Variants in KIAA1549 observed in about 807,000 individuals in gnomAD.
The protein encoded by KIAA1549 is UPF0606 protein KIAA1549.
Under a neutral mutation model 156.4 loss-of-function variants are expected in KIAA1549, and 70 were observed. The observed-to-expected ratio is 0.45, with a 90% CI of 0.37 to 0.55. The LOEUF is 0.55. Among genes scored for constraint, KIAA1549 ranks in the 20% least tolerant of loss-of-function variants. The pLI is 0.00. For missense variants in KIAA1549, 2,428 were observed against 2,540.9 expected (o/e 0.96, Z 0.96); for synonymous variants, 1,103 against 1,066.4 (o/e 1.03, Z -0.67).
At position 138,960,379 on chromosome 7, in the gene KIAA1549, G is replaced by A. The variant is rs935296445; in HGVS notation, c.187+20704C>T. Among the ~76,000 whole-genome samples the A allele has an allele frequency of 3.1e-5, 4 of 129,022 alleles. No homozygotes were observed. In the East Asian group the frequency reaches 6.1e-4, roughly 20 times the overall value. 84.6% of individuals were successfully genotyped at this position (129,022 alleles called of 152,430 possible). A position where few individuals can be genotyped will look rare whatever the true frequency, so the allele number is the denominator to read the frequency against. On this transcript the variant is annotated intron_variant, in intron 1 of 19. Transcript: ENST00000422774. ...GGCTGGAGTGCAGTGGCACTATCTCGGCTCACTGCAACCTCTGCCCCCCGG... is the reference window on the plus strand; with the variant it reads ...GGCTGGAGTGCAGTGGCACTATCTCAGCTCACTGCAACCTCTGCCCCCCGG...
rs1809617608 is a variant in KIAA1549 at position 138,833,814 on chromosome 7, T to G, written c.*4092A>C. 1 of 233,206 alleles carries G rather than the reference T, an allele frequency of 4.3e-6. No individual in the cohort carries two copies. 14.4% of individuals were successfully genotyped at this position (233,206 alleles called of 1,614,324 possible). A position where few individuals can be genotyped will look rare whatever the true frequency, so the allele number is the denominator to read the frequency against. On this transcript the variant is annotated 3_prime_UTR_variant, in exon 20 of 20. Transcript: ENST00000422774. ...TCCTCTTCCCTTGCCTCCCCCACAC[T>G]GGAGTACTTCCTCTGTAGATCTTCA...
At chr7:138,898,392 C>T (rs1811750148) in intron 9 of KIAA1549, among the ~76,000 whole-genome samples, 1 of 151,100 alleles carries the variant, frequency 6.6e-6, no homozygotes, top group Admixed American at 6.6e-5. Flanking sequence ...AGGAGTGAAA[C>T]CTTCCAACAA....
Position 138,907,052 on chromosome 7 carries a change from C to A in KIAA1549, c.3327G>T (p.Pro1109=). The A allele has an allele frequency of 6.2e-7, 1 of 1,612,392 alleles. No homozygotes were observed. The highest frequency in any genetic ancestry group is 8.5e-7 in the Non-Finnish European group (1 of 1,179,376). The change falls in exon 6 of 20, where the codon CCG becomes CCT. Residue 1109 remains proline (P), a synonymous_variant. Coordinates refer to ENST00000422774, the MANE Select transcript of KIAA1549 (RefSeq NM_001164665.2). ...TTTTAACCGCAAAGATGATATTCAC[C>A]GGGCCCCGCCGAGGAGTCACCCTTG... The part of the protein sequence containing the change: ...SSSRVTPRRG[P]VNIIFAVKST...
intron 10 of KIAA1549, among the ~76,000 whole-genome samples, chr7:138,885,461 T>A (rs1811363812): frequency 6.6e-6 from 1 of 152,202 alleles, no homozygotes; most frequent in Non-Finnish European, 1.5e-5. Context: ...TTCTCTGCTG[T>A]GCTGGCCACT....
Position 138,918,267 on chromosome 7 carries a change from C to G in KIAA1549, c.1359G>C (p.Met453Ile). 6.2e-7 allele frequency: 1 copy of G among 1,613,954 alleles called. No homozygotes were observed. Among genetic ancestry groups the G allele is most frequent in the Admixed American group, 1.7e-5 (1 of 60,024 alleles). ...GSGDGAETLCMTVLEESSISL... is the reference protein window; with the variant it reads ...GSGDGAETLCITVLEESSISL... ...AGATGCTGCTTTCTTCCAGCACGGTCATGCACAGAGTCTCGGCACCATCCC... is the reference window on the plus strand; with the variant it reads ...AGATGCTGCTTTCTTCCAGCACGGTGATGCACAGAGTCTCGGCACCATCCC... The change falls in exon 2 of 20, where the codon ATG becomes ATC. Residue 453 changes from methionine to isoleucine, a missense_variant. Around this residue, in one of 5 missense-constraint regions of KIAA1549, gnomAD observed 893 missense variants for 847.9 expected, o/e 1.05. Transcript: ENST00000422774. This position sits in a 1 kb window ranked among gnomAD's most constrained non-coding sequence, Gnocchi z 4.2.
At chr7:138,936,268 T>C (rs1490097168) in intron 1 of KIAA1549, among the ~76,000 whole-genome samples, 1 of 152,138 alleles carries the variant, frequency 6.6e-6, no homozygotes, top group South Asian at 2.1e-4. Context: ...CAGTTACAAC[T>C]GTCCACTAGG....
intron 15 of KIAA1549, among the ~76,000 whole-genome samples, chr7:138,862,945 A>G (rs978999704): frequency 7.2e-5 from 11 of 152,210 alleles, no homozygotes; most frequent in African/African-American, 2.4e-4. Context: ...GAAAAAGAAA[A>G]AAAAACGCAA....
At chr7:138,848,478 T>A (rs552856852) in intron 17 of KIAA1549, among the ~76,000 whole-genome samples, 2 of 152,262 alleles carry the variant, frequency 1.3e-5, no homozygotes, top group Admixed American at 6.5e-5. Context: ...GCTTGGTTTT[T>A]AAATGCTAAA....
At chr7:138,974,185 A>T (rs1450472363) in intron 1 of KIAA1549, among the ~76,000 whole-genome samples, 1 of 152,230 alleles carries the variant, frequency 6.6e-6, no homozygotes, top group African/African-American at 2.4e-5. Flanking sequence ...AATTAAAACC[A>T]CAATGAGATA....
chr7:138,876,773 T>C (rs1021217953), intron 12 of KIAA1549, among the ~76,000 whole-genome samples: 47 of 152,304 alleles, frequency 3.1e-4, no homozygotes, highest in African/African-American at 1.1e-3. Context: ...TGGTTATGAT[T>C]TGAGTTATTT....
intron 18 of KIAA1549, among the ~76,000 whole-genome samples, chr7:138,841,232 T>C (rs1809907667): frequency 6.6e-6 from 1 of 152,206 alleles, no homozygotes; most frequent in Non-Finnish European, 1.5e-5. Context: ...GAGCTGGTTA[T>C]ACAATATGCT....
chr7:138,903,812 T>TGCGCGCAC, intron 7 of KIAA1549, 76 bp from the exon 8 acceptor site: 1 of 214,936 alleles, frequency 4.7e-6, no homozygotes. Context: ...TGTGTGTGTG[T>TGCGCGCAC]GTGTGTGTGT....
intron 1 of KIAA1549, among the ~76,000 whole-genome samples, chr7:138,936,285 C>T (rs923922536): frequency 1.3e-5 from 2 of 152,154 alleles, no homozygotes; most frequent in African/African-American, 4.8e-5. Flanking sequence ...TAGGCAATTC[C>T]ACTTGAGTAT....
At chr7:138,978,732 T>C (rs1270354854) in intron 1 of KIAA1549, among the ~76,000 whole-genome samples, 1 of 152,202 alleles carries the variant, frequency 6.6e-6, no homozygotes, top group Non-Finnish European at 1.5e-5. Context: ...CTACCACTGC[T>C]TATTCCTTAG....
At chr7:138,847,518 G>C (rs1308935875) in intron 17 of KIAA1549, among the ~76,000 whole-genome samples, 1 of 152,226 alleles carries the variant, frequency 6.6e-6, no homozygotes, top group Non-Finnish European at 1.5e-5. Flanking sequence ...AGGGATGGCT[G>C]GGTTTGGTTT....
intron 12 of KIAA1549, among the ~76,000 whole-genome samples, chr7:138,873,725 G>A (rs1296014704): frequency 6.6e-6 from 1 of 151,532 alleles, no homozygotes; most frequent in African/African-American, 2.4e-5. Flanking sequence ...CTGTAGTCAC[G>A]GCCCTTGCTT....
chr7:138,849,958 T>C (rs1810192656), intron 17 of KIAA1549, among the ~76,000 whole-genome samples: 2 of 152,128 alleles, frequency 1.3e-5, no homozygotes, highest in Admixed American at 6.6e-5. Context: ...TTTATCCGAT[T>C]TGTCACTGAT....
rs768033273 is a variant in KIAA1549, at chr7:138,946,313, T to C, written c.188-26875A>G. ...TTTCTGCAGAGGAACCAGTGGCCTT[T>C]AAGAGAAAAAGACTCTTGATTACTG... is the stretch of plus-strand genomic sequence containing the variant. On this transcript the variant is annotated intron_variant, in intron 1 of 19. Coordinates refer to ENST00000422774, the MANE Select transcript of KIAA1549 (RefSeq NM_001164665.2). Among the ~76,000 whole-genome samples the C allele has an allele frequency of 3.9e-4, 60 of 152,290 alleles. 1 individual carries two copies. Among genetic ancestry groups the C allele is most frequent in the South Asian group, 6.2e-4 (3 of 4,828 alleles).
chr7:138,881,612 T>C (rs752420163), intron 10 of KIAA1549, 28 bp from the exon 11 acceptor site: 105 of 1,589,540 alleles, frequency 6.6e-5, no homozygotes, highest in Non-Finnish European at 8.2e-5. Context: ...ACAAACAAGA[T>C]TGTTAACCCG....
Sources: gnomAD v4.1 joint callset for allele counts (sites outside exome capture counted in the v4.1 genomes callset) on GRCh38, gnomAD v4.1.1 for gene constraint, gnomAD v4.1.1 regional missense constraint, Gnocchi (gnomAD v3.1) non-coding constraint, MANE v1.5 for transcripts, NCBI Gene and HGNC (gene_info 2026-07-23, HGNC 2026-07-21) for gene names.